RUVBL1: variants seen among roughly 807,000 people sequenced by gnomAD.
RUVBL1 encodes the protein RuvB like AAA ATPase 1.
In RUVBL1, 4 loss-of-function variants were observed where a neutral mutation model predicts 52.4. The ratio of observed to expected loss-of-function variants is 0.08; its 90% CI spans 0.04 to 0.17. The LOEUF (loss-of-function observed/expected upper bound fraction) is 0.17, where lower values mean the gene tolerates loss of function less well. Ranked by LOEUF, RUVBL1 falls within the 10% of genes least tolerant of loss-of-function variation. RUVBL1 has a pLI of 1.00. For missense variants in RUVBL1, 298 were observed against 572.8 expected (o/e 0.52, Z 4.90); for synonymous variants, 217 against 214.4 (o/e 1.01, Z -0.10).
At chr3:128,130,861 A>G (rs2107728387) in intron 1 of RUVBL1, among the ~76,000 whole-genome samples, 1 of 152,000 alleles carries the variant, frequency 6.6e-6, no homozygotes, top group Non-Finnish European at 1.5e-5. Flanking sequence ...CGTGTTATCC[A>G]GGATGGTCTC....
intron 4 of RUVBL1, among the ~76,000 whole-genome samples, chr3:128,101,922 G>A (rs971271528): frequency 3.3e-5 from 5 of 152,168 alleles, no homozygotes; most frequent in Non-Finnish European, 5.9e-5. Flanking sequence ...CAGGGGACAC[G>A]TACTCTCCTC....
chr3:128,139,159 A>C lies in RUVBL1; in HGVS notation c.-40+14044T>G, dbSNP rs553220962. On this transcript the variant is annotated intron_variant, in intron 1 of 9. Transcript: ENST00000464873. ...GCAAAGATTTCTTGAGTAATACCCC[A>C]TAAACACAGACAACCAAAACACAAA... is the stretch of plus-strand genomic sequence containing the variant. Among the ~76,000 whole-genome samples the C allele has an allele frequency of 1.1e-4, 16 of 152,326 alleles. No homozygotes were observed. The South Asian group carries it at 3.3e-3, about 32-fold the overall frequency.
chr3:128,136,193 G>C (rs1168750300), intron 1 of RUVBL1, among the ~76,000 whole-genome samples: 1 of 144,610 alleles, frequency 6.9e-6, no homozygotes, highest in African/African-American at 2.5e-5. Context: ...AGGAAGGAAG[G>C]AAAAAAGGAA....
chr3:128,133,946 C>T (rs1372455347), intron 1 of RUVBL1, among the ~76,000 whole-genome samples: 1 of 152,098 alleles, frequency 6.6e-6, no homozygotes, highest in African/African-American at 2.4e-5. Flanking sequence ...GATATGTGAC[C>T]TTTTAGACAG....
At chr3:128,087,608 G>T in intron 9 of RUVBL1, 98 bp downstream of exon 9, 1 of 873,364 alleles carries the variant, frequency 1.1e-6, no homozygotes, top group Non-Finnish European at 1.8e-6. Context: ...ATGGTGAATG[G>T]CAGCCAGATC....
intron 9 of RUVBL1, among the ~76,000 whole-genome samples, chr3:128,072,453 A>C (rs1238109330): frequency 2.0e-5 from 3 of 152,130 alleles, no homozygotes; most frequent in Non-Finnish European, 4.4e-5. Context: ...TTCCAAGGGG[A>C]GTTGGGTCAG....
intron 6 of RUVBL1, 65 bp downstream of exon 6, chr3:128,100,530 T>C (rs1176838158): frequency 6.6e-7 from 1 of 1,513,068 alleles, no homozygotes. Context: ...GACAATTCAT[T>C]CCCAGATCTC....
At position 128,097,233 on chromosome 3, in the gene RUVBL1, T is replaced by A. The variant is rs893981147; in HGVS notation, c.1016+67A>T. On this transcript the variant is annotated intron_variant, in intron 8 of 10. Transcript: ENST00000322623. ...TCCCACCTCATGGGGTTTGGAGAGA[T>A]CCTGAGGAACAAATGAGCCCAGATG... 3 of 1,449,684 alleles carry A rather than the reference T, an allele frequency of 2.1e-6. No individual in the cohort carries two copies. In the African/African-American group the frequency reaches 4.2e-5, roughly 20 times the overall value. The allele number at this position is 1,449,684 out of a possible 1,614,324, so 89.8% of individuals were successfully genotyped here.
intron 1 of RUVBL1, among the ~76,000 whole-genome samples, chr3:128,140,474 G>A (rs927808170): frequency 1.1e-4 from 17 of 151,866 alleles, no homozygotes; most frequent in African/African-American, 4.1e-4. Flanking sequence ...TTTCAGACCT[G>A]GGCTGACTTC....
chr3:128,150,825 ATATAT>A (rs1295620132), intron 1 of RUVBL1, among the ~76,000 whole-genome samples: 61 of 90,394 alleles, frequency 6.7e-4, no homozygotes, highest in Middle Eastern at 0.031. Context: ...TATATATTCT[ATATAT>A]TATATATTCT....
At chr3:128,110,539 T>C (rs1943361670) in intron 3 of RUVBL1, among the ~76,000 whole-genome samples, 1 of 152,160 alleles carries the variant, frequency 6.6e-6, no homozygotes, top group Non-Finnish European at 1.5e-5. Flanking sequence ...ATATTTCCAG[T>C]CAGAAATACT....
chr3:128,087,900 G>T, intron 8 of RUVBL1, 92 bp from the exon 9 acceptor site: 1 of 886,404 alleles, frequency 1.1e-6, no homozygotes, highest in Non-Finnish European at 1.8e-6. Context: ...ACCACAAGCA[G>T]CTGGCTAGGC....
intron 1 of RUVBL1, among the ~76,000 whole-genome samples, chr3:128,149,704 G>C (rs1944157687): frequency 6.6e-6 from 1 of 152,202 alleles, no homozygotes; most frequent in Admixed American, 6.5e-5. Flanking sequence ...GAGTCTCAAT[G>C]GTTTCTCTCC....
intron 1 of RUVBL1, among the ~76,000 whole-genome samples, chr3:128,143,329 T>C (rs113553812): frequency 2.0e-3 from 306 of 152,154 alleles, no homozygotes; most frequent in African/African-American, 7.0e-3. Context: ...TGGGCCACTA[T>C]GCCCAGCTAA....
At chr3:128,144,313 T>C (rs1944072543) in intron 1 of RUVBL1, among the ~76,000 whole-genome samples, 1 of 152,248 alleles carries the variant, frequency 6.6e-6, no homozygotes, top group Non-Finnish European at 1.5e-5. Flanking sequence ...TAATTAATCC[T>C]GGATTAATTG....
chr3:128,099,935 G>A (rs1422242480), intron 6 of RUVBL1, among the ~76,000 whole-genome samples: 1 of 152,178 alleles, frequency 6.6e-6, no homozygotes, highest in East Asian at 1.9e-4. Context: ...TCAGTTTGGG[G>A]ATGGCCATTT....
At chr3:128,148,971 T>C (rs140307555) in intron 1 of RUVBL1, among the ~76,000 whole-genome samples, 43 of 152,228 alleles carry the variant, frequency 2.8e-4, no homozygotes, top group African/African-American at 9.4e-4. Context: ...ATATCAAAAA[T>C]GTAGACAGAA....
At chr3:128,080,134 C>T (rs192889898), downstream of RUVBL1, among the ~76,000 whole-genome samples, 61 of 152,288 alleles carry the variant, frequency 4.0e-4, no homozygotes, top group Admixed American at 2.0e-3. Context: ...CGCAGAGATT[C>T]GGCCAGAGAG....
chr3:128,079,739 G>A (rs900542575), downstream of RUVBL1, among the ~76,000 whole-genome samples: 2 of 152,192 alleles, frequency 1.3e-5, no homozygotes, highest in African/African-American at 2.4e-5. Context: ...CAGGCTAGAT[G>A]GAATCCCCAG....
Sources: gnomAD v4.1 joint callset for allele counts (sites outside exome capture counted in the v4.1 genomes callset) on GRCh38, gnomAD v4.1.1 for gene constraint, MANE v1.5 for transcripts, NCBI Gene and HGNC (gene_info 2026-07-23, HGNC 2026-07-21) for gene names.